The following EVA1C variants were observed in gnomAD, a reference collection of about 807,000 sequenced individuals.
EVA1C encodes the protein protein eva-1 homolog C.
EVA1C carries 25 observed loss-of-function variants against 45.4 expected under a neutral mutation model. The ratio of observed to expected loss-of-function variants is 0.55; its 90% CI spans 0.40 to 0.77. The LOEUF is 0.77. Ranked by LOEUF, EVA1C falls within the 30% of genes least tolerant of loss-of-function variation. The probability of loss-of-function intolerance (pLI) is 0.00; values close to 1 mark genes in which losing one functional copy is unlikely to be tolerated. For synonymous variants in EVA1C, 190 were observed against 221.2 expected (o/e 0.86, Z 1.25); for missense variants, 479 against 554.8 (o/e 0.86, Z 1.37).
In EVA1C at chr21:32,446,175, G is replaced by A. The variant is rs148903102; in HGVS notation, c.161-7137G>A. Among the ~76,000 whole-genome samples the A allele has an allele frequency of 4.0e-4, 61 of 152,176 alleles. No individual in the cohort carries two copies. The East Asian group carries it at 8.5e-3, about 21-fold the overall frequency. ...GGAGAATTGCTTGAACCTGGGAGGC[G>A]GAGGTTGCAGTGAGCCGAGATTGTG... On this transcript the variant is annotated intron_variant, in intron 1 of 7. Coordinates refer to ENST00000300255, the MANE Select transcript of EVA1C (RefSeq NM_058187.5).
chr21:32,502,800 T>C (rs751172117), intron 6 of EVA1C, among the ~76,000 whole-genome samples: 1 of 152,182 alleles, frequency 6.6e-6, no homozygotes, highest in South Asian at 2.1e-4. Context: ...TTAACTATTA[T>C]TATTATGTTT....
chr21:32,482,541 C>T (rs905904419), intron 4 of EVA1C, among the ~76,000 whole-genome samples: 10 of 152,160 alleles, frequency 6.6e-5, no homozygotes, highest in African/African-American at 1.2e-4. Flanking sequence ...GGTACCTCCT[C>T]GGAAGCCCAG....
In EVA1C at chr21:32,486,227, G is replaced by A. The variant is rs145628606; in HGVS notation, c.635-8800G>A. On this transcript the variant is annotated intron_variant, in intron 4 of 7. Coordinates refer to ENST00000300255, the MANE Select transcript of EVA1C (RefSeq NM_058187.5). ...CAACCTCCACTTCCCAGGTTCAAGC[G>A]ATTCTCCTGCCTCAACCTCCCAAGT... Among the ~76,000 whole-genome samples the A allele has an allele frequency of 7.4e-3, 1,128 of 152,274 alleles. 19 individuals carry two copies. The highest frequency in any genetic ancestry group is 0.036 in the Admixed American group (556 of 15,302).
intron 4 of EVA1C, among the ~76,000 whole-genome samples, chr21:32,492,232 C>T (rs1037906025): frequency 3.3e-5 from 5 of 151,972 alleles, no homozygotes; most frequent in African/African-American, 7.2e-5. Context: ...ATTTAGGCAC[C>T]GGAAGTTCCA....
rs145132685 is a variant in EVA1C, at chr21:32,507,936, T to G, written c.949+3921T>G. Among the ~76,000 whole-genome samples, 542 of 116,660 alleles carry G rather than the reference T, an allele frequency of 4.6e-3. 7 individuals carry two copies. The highest frequency in any genetic ancestry group is 0.022 in the African/African-American group (516 of 23,234). The allele number at this position is 116,660 out of a possible 152,430, so 76.5% of individuals were successfully genotyped here. On this transcript the variant is annotated intron_variant, in intron 7 of 7. Transcript: ENST00000300255. ...GTGTGCGTGTGTGCCTGTATGTGTA[T>G]CTGTATGTGTGTTTGTGTGTGTGTG...
At chr21:32,507,881 ATG>A (rs2037816004) in intron 7 of EVA1C, among the ~76,000 whole-genome samples, 1 of 145,886 alleles carries the variant, frequency 6.9e-6, no homozygotes, top group Non-Finnish European at 1.5e-5. Context: ...ATGTGTGTGC[ATG>A]TGTATCTGTG....
chr21:32,490,503 AC>A (rs2146387109), intron 4 of EVA1C, among the ~76,000 whole-genome samples: 1 of 152,228 alleles, frequency 6.6e-6, no homozygotes, highest in African/African-American at 2.4e-5. Flanking sequence ...AGGGGAGAGA[AC>A]CATTTGAAGG....
chr21:32,417,194 C>T (rs2034082462), intron 1 of EVA1C, among the ~76,000 whole-genome samples: 1 of 152,200 alleles, frequency 6.6e-6, no homozygotes, highest in African/African-American at 2.4e-5. Flanking sequence ...TACTTGGTAC[C>T]AGATTGTATT....
At chr21:32,507,894 C>T (rs1398558228) in intron 7 of EVA1C, among the ~76,000 whole-genome samples, 1 of 131,462 alleles carries the variant, frequency 7.6e-6, no homozygotes, top group Non-Finnish European at 1.6e-5. Context: ...TGTATCTGTG[C>T]ATGTGTGTAT....
chr21:32,486,204 A>G (rs1196636284), intron 4 of EVA1C, among the ~76,000 whole-genome samples: 2 of 151,960 alleles, frequency 1.3e-5, no homozygotes, highest in Non-Finnish European at 2.9e-5. Flanking sequence ...GCTTACTGCA[A>G]CCTCCACTTC....
At chr21:32,496,106 C>T (rs374730132) in intron 5 of EVA1C, among the ~76,000 whole-genome samples, 5 of 152,184 alleles carry the variant, frequency 3.3e-5, no homozygotes. Context: ...TCGCATCCCC[C>T]CAAAAGAAAC....
intron 2 of EVA1C, among the ~76,000 whole-genome samples, chr21:32,456,897 T>C (rs939857830): frequency 6.8e-6 from 1 of 147,720 alleles, no homozygotes; most frequent in Non-Finnish European, 1.5e-5. Context: ...AGGAGCTGTC[T>C]GGAAAAAATC....
At chr21:32,444,313 T>C (rs182952594) in intron 1 of EVA1C, among the ~76,000 whole-genome samples, 47 of 152,288 alleles carry the variant, frequency 3.1e-4, no homozygotes, top group African/African-American at 1.1e-3. Flanking sequence ...ATTGCCCTTC[T>C]TCCCAGCAGT....
chr21:32,420,988 G>A (rs549093485), intron 1 of EVA1C, among the ~76,000 whole-genome samples: 6 of 152,278 alleles, frequency 3.9e-5, no homozygotes, highest in African/African-American at 1.4e-4. Context: ...ACTTACATAA[G>A]TAATGTCCAT....
chr21:32,465,675 T>C (rs2146294395), intron 3 of EVA1C, among the ~76,000 whole-genome samples: 1 of 152,218 alleles, frequency 6.6e-6, no homozygotes. Flanking sequence ...TTTTTGTAGT[T>C]TTAGTAGAGA....
chr21:32,432,987 A>C (rs200712547), intron 1 of EVA1C, among the ~76,000 whole-genome samples: 1,958 of 81,606 alleles, frequency 0.024, no homozygotes, highest in South Asian at 0.026. Flanking sequence ...CCGCCTCGGC[A>C]TCCCAAAGTG....
chr21:32,481,858 T>C (rs2036801817), intron 4 of EVA1C, among the ~76,000 whole-genome samples: 2 of 152,218 alleles, frequency 1.3e-5, no homozygotes, highest in Admixed American at 1.3e-4. Context: ...ATTTCCTATA[T>C]GCAGATTTGG....
chr21:32,503,875 G>A (rs772438581), intron 6 of EVA1C, 51 bp from the exon 7 acceptor site: 3 of 1,311,334 alleles, frequency 2.3e-6, no homozygotes, highest in Non-Finnish European at 2.2e-6. Flanking sequence ...CTTAGAATAG[G>A]CGTACTATGA....
chr21:32,502,004 CTTTCTTTCTTTCT>C (rs1568949628), intron 6 of EVA1C, among the ~76,000 whole-genome samples: 1 of 89,754 alleles, frequency 1.1e-5, no homozygotes, highest in Non-Finnish European at 2.3e-5. Context: ...TTCTTTCTTT[CTTTCTTTCTTTCT>C]TTCTTTCTTT....
Sources: allele counts gnomAD v4.1 joint callset (sites outside exome capture counted in the v4.1 genomes callset), GRCh38; gene constraint gnomAD v4.1.1; transcripts MANE v1.5; gene names NCBI Gene and HGNC (gene_info 2026-07-23, HGNC 2026-07-21).